The following ZMAT5 variants were observed in gnomAD, a reference collection of about 807,000 sequenced individuals.
ZMAT5 encodes the protein zinc finger matrin-type 5.
In ZMAT5, 23 loss-of-function variants were observed where a neutral mutation model predicts 28.0. The observed-to-expected ratio is 0.82, with a 90% CI of 0.59 to 1.16. The LOEUF is 1.16. Ranked by LOEUF, ZMAT5 falls within the 50% of genes most tolerant of loss-of-function variation. ZMAT5 has a pLI of 0.00. For missense variants in ZMAT5, 173 were observed against 212.7 expected (o/e 0.81, Z 1.16); for synonymous variants, 76 against 84.1 (o/e 0.90, Z 0.52).
At chr22:29,745,024 G>A (rs1426661652) in intron 2 of ZMAT5, among the ~76,000 whole-genome samples, 2 of 152,236 alleles carry the variant, frequency 1.3e-5, no homozygotes, top group African/African-American at 4.8e-5. Flanking sequence ...ACATTCATCT[G>A]CCAAACATTC....
At chr22:29,755,441 GAGAA>G (rs1010826055) in intron 1 of ZMAT5, among the ~76,000 whole-genome samples, 29 of 151,522 alleles carry the variant, frequency 1.9e-4, no homozygotes, top group African/African-American at 5.8e-4. Context: ...AGGAAACAAA[GAGAA>G]AGAAAGAAGA....
intron 5 of ZMAT5, among the ~76,000 whole-genome samples, chr22:29,732,454 T>C (rs140102): frequency 0.38 from 57,120 of 152,036 alleles, 12,302 homozygotes; most frequent in East Asian, 0.6. Flanking sequence ...CACGTGCACA[T>C]TGGCCGGGCG....
At chr22:29,755,368 G>GGGAGGGAGGGA (rs1569340083) in intron 1 of ZMAT5, among the ~76,000 whole-genome samples, 4 of 59,238 alleles carry the variant, frequency 6.8e-5, no homozygotes, top group Non-Finnish European at 8.8e-5. Context: ...GGAGGGAGGG[G>GGGAGGGAGGGA]GAGAGAGAGA....
intron 1 of ZMAT5, among the ~76,000 whole-genome samples, chr22:29,751,824 G>A (rs761248172): frequency 1.8e-4 from 28 of 152,174 alleles, no homozygotes; most frequent in Non-Finnish European, 3.8e-4. Context: ...AAAATCAGCT[G>A]AGTGTGGTGG....
At chr22:29,742,784 A>G (rs1306618049) in intron 2 of ZMAT5, among the ~76,000 whole-genome samples, 1 of 151,770 alleles carries the variant, frequency 6.6e-6, no homozygotes, top group African/African-American at 2.4e-5. Context: ...GAGTCTGGGG[A>G]CTTTGGGTTT....
intron 1 of ZMAT5, among the ~76,000 whole-genome samples, chr22:29,755,192 G>A (rs2068087760): frequency 6.6e-6 from 1 of 152,004 alleles, no homozygotes; most frequent in Non-Finnish European, 1.5e-5. Flanking sequence ...CTGCTCAGGA[G>A]GCTGAGGCAG....
chr22:29,739,596 A>G (rs2067942061), intron 4 of ZMAT5, among the ~76,000 whole-genome samples: 1 of 152,224 alleles, frequency 6.6e-6, no homozygotes. Context: ...CTCTGTTCCC[A>G]GCCTCCCTGG....
intron 2 of ZMAT5, among the ~76,000 whole-genome samples, chr22:29,745,825 G>A (rs560534656): frequency 1.3e-5 from 2 of 152,376 alleles, no homozygotes; most frequent in South Asian, 2.1e-4. Context: ...TCATTCACAC[G>A]GTATATCCGC....
intron 2 of ZMAT5, among the ~76,000 whole-genome samples, chr22:29,744,928 G>C (rs1444401746): frequency 1.3e-5 from 2 of 152,230 alleles, no homozygotes; most frequent in Non-Finnish European, 1.5e-5. Flanking sequence ...GGCCCCTCAT[G>C]ATCTGATCCT....
intron 4 of ZMAT5, among the ~76,000 whole-genome samples, chr22:29,739,020 A>C (rs2067935750): frequency 6.7e-6 from 1 of 149,830 alleles, no homozygotes; most frequent in African/African-American, 2.5e-5. Flanking sequence ...TCAAAAAAAA[A>C]AAAAGAGAGA....
chr22:29,731,007 C>T lies in ZMAT5; in HGVS notation c.*218G>A, dbSNP rs545766435. On this transcript the variant is annotated 3_prime_UTR_variant, in exon 6 of 6. Transcript: ENST00000344318. ...ATTTGGAAGTTTTCTCCCCCATCTT[C>T]TTAAGAAGCAGGGGGGCAGGTGGAG... 66 of 434,046 alleles carry T rather than the reference C, an allele frequency of 1.5e-4. No homozygotes were observed. Among genetic ancestry groups the T allele is most frequent in the African/African-American group, 1.3e-3 (65 of 49,184 alleles). The allele number at this position is 434,046 out of a possible 1,614,324, so 26.9% of individuals were successfully genotyped here.
intron 4 of ZMAT5, 130 bp downstream of exon 4, chr22:29,740,520 G>A (rs1265089266): frequency 9.6e-6 from 9 of 932,996 alleles, no homozygotes; most frequent in African/African-American, 3.3e-5. Flanking sequence ...TCAGGGCTCC[G>A]CATCACCCTG....
intron 1 of ZMAT5, among the ~76,000 whole-genome samples, chr22:29,753,380 C>T (rs1785808743): frequency 6.6e-6 from 1 of 152,200 alleles, no homozygotes; most frequent in African/African-American, 2.4e-5. Flanking sequence ...CAAAAATTAG[C>T]TGGGCATAGT....
At chr22:29,760,101 T>G (rs2068142103) in intron 1 of ZMAT5, among the ~76,000 whole-genome samples, 1 of 151,982 alleles carries the variant, frequency 6.6e-6, no homozygotes, top group South Asian at 2.1e-4. Context: ...CTCGAAAGGC[T>G]GAGGCAGGAG....
intron 4 of ZMAT5, among the ~76,000 whole-genome samples, chr22:29,738,911 T>G (rs1303690883): frequency 6.6e-6 from 1 of 151,988 alleles, no homozygotes; most frequent in African/African-American, 2.4e-5. Flanking sequence ...CTTGGGAGAC[T>G]GAGGCAGGAG....
chr22:29,756,843 T>A (rs1446194263), intron 1 of ZMAT5, among the ~76,000 whole-genome samples: 2 of 151,688 alleles, frequency 1.3e-5, no homozygotes, highest in African/African-American at 4.8e-5. Context: ...AGGTCAAGAG[T>A]TCGAGGCTAT....
chr22:29,740,970 G>A lies in ZMAT5; in HGVS notation c.191-240C>T, dbSNP rs1038911897. Among the ~76,000 whole-genome samples, 43 of 152,224 alleles carry A rather than the reference G, an allele frequency of 2.8e-4. 1 individual carries two copies. Among genetic ancestry groups the A allele is most frequent in the Non-Finnish European group, 8.8e-5 (6 of 68,044 alleles). The stretch of plus-strand genomic sequence containing the variant: ...TTCTCCAGCTGCCCCCCATGCTGGG[G>A]ATCACTTCCAACTGAAGCCTGTCAT... On this transcript the variant is annotated intron_variant, in intron 3 of 5. Transcript: ENST00000344318.
intron 2 of ZMAT5, among the ~76,000 whole-genome samples, chr22:29,744,458 G>A (rs996444965): frequency 6.6e-6 from 1 of 151,960 alleles, no homozygotes; most frequent in Non-Finnish European, 1.5e-5. Flanking sequence ...GCAGGGTGGG[G>A]AGGGTCTATC....
chr22:29,754,886 T>C (rs1327424625), intron 1 of ZMAT5, among the ~76,000 whole-genome samples: 2 of 152,002 alleles, frequency 1.3e-5, no homozygotes, highest in Admixed American at 6.6e-5. Flanking sequence ...AAGAAAAAAA[T>C]GTGCCTAGCA....
Sources: gnomAD v4.1 joint callset for allele counts (sites outside exome capture counted in the v4.1 genomes callset) on GRCh38, gnomAD v4.1.1 for gene constraint, MANE v1.5 for transcripts, NCBI Gene and HGNC (gene_info 2026-07-23, HGNC 2026-07-21) for gene names.